The following ADGRE1 variants were observed in gnomAD, a reference collection of about 807,000 sequenced individuals.
ADGRE1 encodes the protein adhesion G protein-coupled receptor E1.
ADGRE1 carries 82 observed loss-of-function variants against 102.7 expected under a neutral mutation model. The observed-to-expected ratio is 0.80, with a 90% confidence interval of 0.67 to 0.96. The LOEUF is 0.96. Ranked by LOEUF, ADGRE1 falls within the 40% of genes least tolerant of loss-of-function variation. The pLI, the probability that ADGRE1 is intolerant of heterozygous loss-of-function variation, is 0.00. For missense variants in ADGRE1, 1,032 were observed against 1,085.3 expected, an observed-to-expected ratio of 0.95 and a Z score of 0.69; for synonymous variants, 398 against 399.6, an observed-to-expected ratio of 1.00 and a Z score of 0.05.
intron 5 of ADGRE1, among the ~76,000 whole-genome samples, 180 bp from the exon 6 acceptor site, chr19:6,901,695 G>A (rs754418887): frequency 1.3e-5 from 2 of 152,202 alleles, no homozygotes; most frequent in Non-Finnish European, 2.9e-5. Flanking sequence ...CATGCCTACT[G>A]AAAGAAGGAA....
At chr19:6,898,297 C>G (rs972885410) in intron 5 of ADGRE1, 42 of 1,594,952 alleles carry the variant, frequency 2.6e-5, no homozygotes, top group Non-Finnish European at 3.4e-5. Context: ...AACTCCAATT[C>G]TCTGTCTAGA....
At chr19:6,904,206 G>A in intron 8 of ADGRE1, 24 bp downstream of exon 8, 1 of 1,609,192 alleles carries the variant, frequency 6.2e-7, no homozygotes, top group Non-Finnish European at 8.5e-7. Flanking sequence ...TGTATGTCTT[G>A]GCAATGGAAT....
intron 14 of ADGRE1, among the ~76,000 whole-genome samples, chr19:6,922,693 C>A (rs1487484831): frequency 6.6e-6 from 1 of 150,952 alleles, no homozygotes; most frequent in Non-Finnish European, 1.5e-5. Context: ...CCAAGAGAGC[C>A]GATGATAGAT....
intron 10 of ADGRE1, among the ~76,000 whole-genome samples, chr19:6,909,216 AT>A (rs1358807841): frequency 6.6e-6 from 1 of 152,100 alleles, no homozygotes; most frequent in Admixed American, 6.6e-5. Flanking sequence ...TAGCTGTAAG[AT>A]TTGAAAAATT....
chr19:6,922,650 ACACACAC>A (rs1398998911), intron 14 of ADGRE1, among the ~76,000 whole-genome samples: 8 of 151,632 alleles, frequency 5.3e-5, no homozygotes, highest in African/African-American at 1.9e-4. Context: ...ACACACACAC[ACACACAC>A]AAACAAAAAG....
At chr19:6,915,951 G>C in intron 11 of ADGRE1, among the ~76,000 whole-genome samples, 1 of 136,056 alleles carries the variant, frequency 7.3e-6, no homozygotes, top group Non-Finnish European at 1.6e-5. Flanking sequence ...AAAAAACTTA[G>C]AGAGAAAATC....
intron 16 of ADGRE1, among the ~76,000 whole-genome samples, chr19:6,926,933 C>T (rs768286588): frequency 9.2e-5 from 14 of 152,052 alleles, no homozygotes; most frequent in Non-Finnish European, 1.8e-4. Flanking sequence ...GTGGTGTGCA[C>T]CTGTAATCCC....
chr19:6,898,602 C>T, intron 5 of ADGRE1: 1 of 1,458,694 alleles, frequency 6.9e-7, no homozygotes, highest in Non-Finnish European at 9.5e-7. Flanking sequence ...GTGAGTCCCT[C>T]ACCAGCAGCG....
rs370931066 is a variant in ADGRE1, at chr19:6,911,292, G to A, written c.1123-2361G>A. 2.7e-5 allele frequency among the ~76,000 whole-genome samples: 4 copies of A among 149,724 alleles called. No individual in the cohort carries two copies. The East Asian group carries it at 5.9e-4, about 22-fold the overall frequency. On this transcript the variant is annotated intron_variant, in intron 10 of 20. Coordinates refer to ENST00000312053, the MANE Select transcript of ADGRE1 (RefSeq NM_001974.5). ...TGGATAGATAGAAACTTGTATTGCT[G>A]CTCAAATTTCAGTTTAATTTCCTCT...
At chr19:6,901,146 A>G (rs1208633033) in intron 5 of ADGRE1, among the ~76,000 whole-genome samples, 2 of 152,234 alleles carry the variant, frequency 1.3e-5, no homozygotes, top group East Asian at 1.9e-4. Context: ...GATGGTGCAC[A>G]CATCACTTCT....
In ADGRE1 at chr19:6,904,061, A is replaced by G. The variant is rs760882076; in HGVS notation, c.828A>G (p.Pro276=). ...ATATTGATGAGTGCCGCCAAGATCC[A>G]TCAACCTGTGGTCCTAATTCTATCT... ...CRDIDECRQD[P]STCGPNSICT... Residue 276 remains proline, a synonymous_variant, in exon 8 of 21, where the codon CCA becomes CCG. Transcript: ENST00000312053. The G allele has an allele frequency of 5.0e-6, 8 of 1,614,236 alleles. No homozygotes were observed. The highest frequency in any genetic ancestry group is 6.8e-6 in the Non-Finnish European group (8 of 1,180,042).
At chr19:6,899,936 C>CAA (rs200596347) in intron 5 of ADGRE1, among the ~76,000 whole-genome samples, 5 of 148,518 alleles carry the variant, frequency 3.4e-5, no homozygotes, top group African/African-American at 1.2e-4. Flanking sequence ...ACTAAAAATA[C>CAA]AAAAAAAAAT....
In ADGRE1 at chr19:6,936,425, C is replaced by T. The variant is rs543481829; in HGVS notation, c.2382-818C>T. On this transcript the variant is annotated intron_variant, in intron 18 of 20. Coordinates refer to ENST00000312053, the MANE Select transcript of ADGRE1 (RefSeq NM_001974.5). ...CACTCCAGCCTGGGTGACAGAGTGACACTCCATCTCCAAAAAAAAAAAAAG... is the reference window on the plus strand; with the variant it reads ...CACTCCAGCCTGGGTGACAGAGTGATACTCCATCTCCAAAAAAAAAAAAAG... 6.4e-5 allele frequency among the ~76,000 whole-genome samples: 8 copies of T among 124,350 alleles called. No homozygotes were observed. In the East Asian group the frequency reaches 1.9e-3, roughly 30 times the overall value. 81.6% of individuals were successfully genotyped at this position (124,350 alleles called of 152,430 possible).
chr19:6,935,993 C>G (rs1975386709), intron 18 of ADGRE1, among the ~76,000 whole-genome samples: 1 of 152,184 alleles, frequency 6.6e-6, no homozygotes, highest in African/African-American at 2.4e-5. Context: ...TGTTTCCTAA[C>G]TTCCCCACTC....
chr19:6,913,302 C>T (rs1974264439), intron 10 of ADGRE1, among the ~76,000 whole-genome samples: 1 of 152,090 alleles, frequency 6.6e-6, no homozygotes, highest in Admixed American at 6.6e-5. Flanking sequence ...CCTCAGCCTC[C>T]CAAGTAGCTA....
At chr19:6,905,878 T>G (rs1037707219) in intron 8 of ADGRE1, among the ~76,000 whole-genome samples, 6 of 152,318 alleles carry the variant, frequency 3.9e-5, no homozygotes, top group Middle Eastern at 6.8e-3. Context: ...ATATGTTTCT[T>G]CTCCATTCTA....
chr19:6,931,441 C>T (rs935013304), intron 17 of ADGRE1, among the ~76,000 whole-genome samples: 2 of 152,250 alleles, frequency 1.3e-5, no homozygotes, highest in East Asian at 3.9e-4. Flanking sequence ...GGCAGGGCCA[C>T]GCTCCCCATG....
At chr19:6,930,633 T>C (rs191749024) in intron 17 of ADGRE1, among the ~76,000 whole-genome samples, 1 of 152,162 alleles carries the variant, frequency 6.6e-6, no homozygotes, top group Admixed American at 6.6e-5. Context: ...TTTTATTGTT[T>C]GGTTTATTTT....
chr19:6,940,032 TC>T lies in ADGRE1; in HGVS notation c.*5del. The T allele has an allele frequency of 6.2e-7, 1 of 1,613,880 alleles. No individual in the cohort carries two copies. The highest frequency in any genetic ancestry group is 1.6e-4 in the Middle Eastern group (1 of 6,062). On this transcript the variant is annotated 3_prime_UTR_variant, in exon 21 of 21. Transcript: ENST00000312053. ...TCTTTTCTCTCTCACAGGGTTAAAG[TC>T]CTTTCTTGCTTTCAAATATGCTATG...
Sources: allele counts gnomAD v4.1 joint callset (sites outside exome capture counted in the v4.1 genomes callset), GRCh38; gene constraint gnomAD v4.1.1; transcripts MANE v1.5; gene names NCBI Gene and HGNC (gene_info 2026-07-23, HGNC 2026-07-21).